The following DNAAF11 variants were observed in gnomAD, a reference collection of about 807,000 sequenced individuals.
The protein encoded by DNAAF11 is dynein axonemal assembly factor 11, also known as leucine rich repeat containing 6.
DNAAF11 carries 45 observed loss-of-function variants against 60.8 expected under a neutral mutation model. The observed-to-expected ratio is 0.74, with a 90% CI of 0.58 to 0.95. DNAAF11 has a LOEUF of 0.95. Ranked by LOEUF, DNAAF11 falls within the 40% of genes least tolerant of loss-of-function variation. The pLI, the probability that DNAAF11 is intolerant of heterozygous loss-of-function variation, is 0.00. For missense variants in DNAAF11, 546 were observed against 546.2 expected, an observed-to-expected ratio of 1.00 and a Z score of 0.00; for synonymous variants, 191 against 183.5, an observed-to-expected ratio of 1.04 and a Z score of -0.33.
chr8:132,599,470 A>G (rs1269630668), intron 10 of DNAAF11, among the ~76,000 whole-genome samples: 1 of 152,150 alleles, frequency 6.6e-6, no homozygotes, highest in Admixed American at 6.5e-5. Flanking sequence ...AGACACAACA[A>G]CAAAAAAGAG....
intron 3 of DNAAF11, 148 bp downstream of exon 3, chr8:132,656,682 G>A: frequency 2.1e-6 from 1 of 472,962 alleles, no homozygotes; most frequent in South Asian, 2.1e-5. Context: ...ATATTGGTCA[G>A]GCTGGTCTCG....
At chr8:132,579,829 T>A (rs1277955502) in intron 11 of DNAAF11, among the ~76,000 whole-genome samples, 1 of 152,036 alleles carries the variant, frequency 6.6e-6, no homozygotes, top group Non-Finnish European at 1.5e-5. Flanking sequence ...AACCTGTCTC[T>A]ACTAAAAATA....
the DNAAF11 span, among the ~76,000 whole-genome samples, chr8:132,700,828 A>T: frequency 6.6e-5 from 10 of 152,232 alleles, no homozygotes; most frequent in Non-Finnish European, 1.5e-4. Flanking sequence ...GTGATTGCCC[A>T]AAGAAAAGGG....
In DNAAF11 at chr8:132,632,854, C is replaced by T. The variant is rs774210701; in HGVS notation, c.539G>A (p.Arg180Gln). 14 of 1,613,592 alleles carry T rather than the reference C, an allele frequency of 8.7e-6. No homozygotes were observed. The highest frequency in any genetic ancestry group is 6.7e-5 in the African/African-American group (5 of 74,882). ...REQEKDHCLKRAKLKEEAQRK... is the reference protein window; with the variant it reads ...REQEKDHCLKQAKLKEEAQRK... ...CTGAGCCTCTTCCTTGAGTTTGGCT[C>T]GTTTAAGACAGTGATCTTTTTCCTG... The change falls in exon 5 of 12, where the codon CGA (arginine) becomes CAA (glutamine). Residue 180 changes from arginine (R) to glutamine (Q), a missense_variant. Arg to Gln is a conservative substitution (Grantham distance 43). Coordinates refer to ENST00000620350, the MANE Select transcript of DNAAF11 (RefSeq NM_012472.6).
At chr8:132,702,816 C>G in the DNAAF11 span, among the ~76,000 whole-genome samples, 1 of 152,162 alleles carries the variant, frequency 6.6e-6, no homozygotes, top group African/African-American at 2.4e-5. Context: ...AGTCCCAGGT[C>G]TCCTCTGACT....
chr8:132,662,314 C>T (rs908971000), intron 1 of DNAAF11, among the ~76,000 whole-genome samples: 5 of 152,084 alleles, frequency 3.3e-5, no homozygotes, highest in South Asian at 2.1e-4. Context: ...GTCAGCAGTA[C>T]GTGAGGAAGA....
intron 6 of DNAAF11, 94 bp downstream of exon 6, chr8:132,625,178 G>A (rs1820125319): frequency 1.0e-6 from 1 of 954,502 alleles, no homozygotes; most frequent in South Asian, 2.1e-5. Flanking sequence ...AGTGCTAAAG[G>A]TTTAACACAA....
intron 11 of DNAAF11, among the ~76,000 whole-genome samples, chr8:132,582,689 C>G (rs1815462547): frequency 6.6e-6 from 1 of 152,220 alleles, no homozygotes; most frequent in African/African-American, 2.4e-5. Context: ...CTCTACAAAA[C>G]TTCAGCAGTT....
intron 1 of DNAAF11, among the ~76,000 whole-genome samples, chr8:132,670,921 C>T (rs2130883095): frequency 6.6e-6 from 1 of 152,088 alleles, no homozygotes; most frequent in East Asian, 1.9e-4. Flanking sequence ...AAAAAGACAA[C>T]AACTCGGAAA....
intron 2 of DNAAF11, among the ~76,000 whole-genome samples, chr8:132,660,522 C>T (rs188478727): frequency 2.5e-4 from 38 of 152,290 alleles, no homozygotes; most frequent in Non-Finnish European, 4.4e-5. Context: ...TTTCTCTTTC[C>T]GGGTGCTGGG....
chr8:132,589,794 A>AG (rs1554672376), intron 10 of DNAAF11, among the ~76,000 whole-genome samples: 1 of 152,216 alleles, frequency 6.6e-6, no homozygotes, highest in African/African-American at 2.4e-5. Flanking sequence ...CATAGGAGGT[A>AG]GGTCTTGGAC....
chr8:132,678,431 T>G (rs1825819563), upstream of DNAAF11, among the ~76,000 whole-genome samples: 2 of 152,240 alleles, frequency 1.3e-5, no homozygotes, highest in Non-Finnish European at 2.9e-5. Context: ...TCCTGATTAG[T>G]CCTTTTTTCT....
intron 7 of DNAAF11, among the ~76,000 whole-genome samples, chr8:132,619,466 AAAG>A (rs960037031): frequency 2.0e-5 from 3 of 151,990 alleles, no homozygotes; most frequent in Non-Finnish European, 2.9e-5. Context: ...AATTAAAAAA[AAAG>A]AAGGATGGTA....
chr8:132,622,247 A>G (rs922211424), intron 7 of DNAAF11, among the ~76,000 whole-genome samples: 6 of 152,218 alleles, frequency 3.9e-5, no homozygotes, highest in African/African-American at 9.6e-5. Flanking sequence ...TAGAAGGTAC[A>G]TCAGTATTCT....
chr8:132,611,215 C>T, intron 9 of DNAAF11, 79 bp downstream of exon 9: 3 of 1,045,784 alleles, frequency 2.9e-6, no homozygotes, highest in Non-Finnish European at 4.4e-6. Context: ...TTTAATAATA[C>T]TTAAAAACAT....
chr8:132,698,972 A>AC, the DNAAF11 span, among the ~76,000 whole-genome samples: 10 of 119,452 alleles, frequency 8.4e-5, no homozygotes, highest in East Asian at 9.6e-4. Context: ...ACACACACAC[A>AC]AAAAAAATTA....
intron 9 of DNAAF11, among the ~76,000 whole-genome samples, chr8:132,610,587 C>A (rs1338814190): frequency 1.3e-5 from 2 of 151,772 alleles, no homozygotes; most frequent in African/African-American, 4.8e-5. Flanking sequence ...CATATTAGCC[C>A]AAATTAGCAA....
chr8:132,668,861 T>A (rs548193267), intron 1 of DNAAF11, among the ~76,000 whole-genome samples: 18 of 152,204 alleles, frequency 1.2e-4, no homozygotes, highest in Non-Finnish European at 2.2e-4. Flanking sequence ...GAAGGATTAA[T>A]TCCTCTAGCT....
At chr8:132,669,299 G>C (rs1015988524) in intron 1 of DNAAF11, among the ~76,000 whole-genome samples, 2 of 152,216 alleles carry the variant, frequency 1.3e-5, no homozygotes, top group Non-Finnish European at 2.9e-5. Context: ...TTTGGAGTCA[G>C]ACTACATGTT....
Sources: allele counts gnomAD v4.1 joint callset (sites outside exome capture counted in the v4.1 genomes callset), GRCh38; gene constraint gnomAD v4.1.1; transcripts MANE v1.5; gene names NCBI Gene and HGNC (gene_info 2026-07-23, HGNC 2026-07-21).